RAD54L2: variants seen among roughly 807,000 people sequenced by gnomAD.
RAD54L2 encodes the protein RAD54 like 2.
In RAD54L2, 27 loss-of-function variants were observed where a neutral mutation model predicts 138.4. The ratio of observed to expected loss-of-function variants is 0.20; its 90% CI spans 0.14 to 0.27. The LOEUF is 0.27. Among genes scored for constraint, RAD54L2 ranks in the 10% least tolerant of loss-of-function variants. The pLI is 1.00. For synonymous variants in RAD54L2, 644 were observed against 723.2 expected, an observed-to-expected ratio of 0.89 and a Z score of 1.76; for missense variants, 1,396 against 1,890.2, an observed-to-expected ratio of 0.74 and a Z score of 4.85.
chr3:51,647,914 G>A (rs1364462877), intron 19 of RAD54L2, among the ~76,000 whole-genome samples: 1 of 152,134 alleles, frequency 6.6e-6, no homozygotes, highest in Non-Finnish European at 1.5e-5. Context: ...ATTTCCAACT[G>A]AGGTACCTGA....
intron 2 of RAD54L2, among the ~76,000 whole-genome samples, chr3:51,585,642 C>G (rs1699692907): frequency 6.6e-6 from 1 of 152,220 alleles, no homozygotes; most frequent in African/African-American, 2.4e-5. Context: ...TTCCTTCACT[C>G]TCACGATTGC....
In RAD54L2 at chr3:51,559,320, G is replaced by A. The variant is rs537099372; in HGVS notation, c.-55+17670G>A. ...CTTATAAGGAATCTTGAATCTTAATGAGGGTAGAACATTTGGCTTTTTGTG... is the reference window on the plus strand; with the variant it reads ...CTTATAAGGAATCTTGAATCTTAATAAGGGTAGAACATTTGGCTTTTTGTG... On this transcript the variant is annotated intron_variant, in intron 2 of 22. Coordinates refer to ENST00000684192, the MANE Select transcript of RAD54L2 (RefSeq NM_015106.4). Among the ~76,000 whole-genome samples the A allele has an allele frequency of 3.5e-4, 54 of 152,292 alleles. No individual in the cohort carries two copies. The South Asian group carries it at 7.0e-3, about 20-fold the overall frequency.
At chr3:51,632,534 AT>A (rs1448061310) in intron 7 of RAD54L2, among the ~76,000 whole-genome samples, 1 of 150,364 alleles carries the variant, frequency 6.7e-6, no homozygotes, top group East Asian at 2.1e-4. Flanking sequence ...ACCTCAGGTA[AT>A]CTGCACACCT....
Position 51,638,100 on chromosome 3 carries a change from C to A in RAD54L2, c.1683-44C>A, listed in dbSNP as rs1282804065. On this transcript the variant is annotated intron_variant, in intron 11 of 22. Coordinates refer to ENST00000684192, the MANE Select transcript of RAD54L2 (RefSeq NM_015106.4). The surrounding 1 kb of genome is among the most constrained non-coding windows in gnomAD (Gnocchi z 4.3). ...TGTTTTTATCTTGTGCTGACCCCTC[C>A]TGGCCACACTACCTTGCCGTTTCTG... 1.1e-5 allele frequency: 17 copies of A among 1,596,174 alleles called. No individual in the cohort carries two copies. The highest frequency in any genetic ancestry group is 1.5e-5 in the Non-Finnish European group (17 of 1,166,198).
chr3:51,654,296 G>T (rs777403790), intron 19 of RAD54L2, among the ~76,000 whole-genome samples: 5 of 152,178 alleles, frequency 3.3e-5, no homozygotes, highest in Admixed American at 6.5e-5. Context: ...TGATCCACCT[G>T]CCTCGGCCTC....
intron 1 of RAD54L2, 36 bp from the exon 2 acceptor site, chr3:51,541,553 G>GTT (rs1698549176): frequency 6.6e-6 from 1 of 152,208 alleles, no homozygotes; most frequent in Non-Finnish European, 1.5e-5. Context: ...GCATGAAGGC[G>GTT]TTGCTTATCC....
chr3:51,545,978 G>T (rs958871121), intron 2 of RAD54L2, among the ~76,000 whole-genome samples: 5 of 130,422 alleles, frequency 3.8e-5, no homozygotes, highest in Admixed American at 9.1e-5. Context: ...TCACTCTGTA[G>T]CCCAGGCTGG....
chr3:51,564,634 A>G (rs1448854462), intron 2 of RAD54L2, among the ~76,000 whole-genome samples: 4 of 152,244 alleles, frequency 2.6e-5, no homozygotes, highest in Admixed American at 2.6e-4. Context: ...ACACTGGCTC[A>G]GGCCAGGTGC....
chr3:51,639,037 C>A (rs544834883), intron 12 of RAD54L2: 207 of 204,536 alleles, frequency 1.0e-3, no homozygotes, highest in Non-Finnish European at 1.8e-3. Context: ...TGTGATTGGT[C>A]TACTATAAGT....
chr3:51,598,175 G>GTATATATATATA (rs1158790269), intron 3 of RAD54L2, among the ~76,000 whole-genome samples: 53 of 143,192 alleles, frequency 3.7e-4, no homozygotes, highest in African/African-American at 1.4e-3. Flanking sequence ...GTGTGTGTGT[G>GTATATATATATA]TGTATATATA....
intron 3 of RAD54L2, among the ~76,000 whole-genome samples, chr3:51,622,046 T>C (rs1700579070): frequency 1.3e-5 from 2 of 152,136 alleles, no homozygotes. Context: ...GTTAGGTCTT[T>C]GGAGGGGTAG....
intron 3 of RAD54L2, among the ~76,000 whole-genome samples, chr3:51,610,406 C>T (rs1030783260): frequency 9.2e-5 from 14 of 152,002 alleles, no homozygotes; most frequent in African/African-American, 3.4e-4. Flanking sequence ...GAGTTTGAGA[C>T]CAGCCTGGCC....
intron 3 of RAD54L2, among the ~76,000 whole-genome samples, chr3:51,609,168 C>T (rs191129342): frequency 2.4e-4 from 36 of 152,292 alleles, no homozygotes; most frequent in African/African-American, 7.5e-4. Context: ...TGAGCCACCG[C>T]GCCCAGCCTG....
intron 21 of RAD54L2, 138 bp from the exon 22 acceptor site, chr3:51,659,885 ACTT>A (rs979666816): frequency 5.5e-6 from 3 of 543,934 alleles, no homozygotes; most frequent in African/African-American, 3.7e-5. Context: ...CAGTCACCCC[ACTT>A]CTTATTTCAG....
intron 9 of RAD54L2, among the ~76,000 whole-genome samples, chr3:51,634,387 T>TG (rs1196392565): frequency 4.9e-5 from 7 of 142,068 alleles, no homozygotes; most frequent in African/African-American, 1.7e-4. Flanking sequence ...TTTTTTTTTT[T>TG]GAGACGGAGT....
chr3:51,565,469 A>G (rs1350096282), intron 2 of RAD54L2, among the ~76,000 whole-genome samples: 1 of 152,132 alleles, frequency 6.6e-6, no homozygotes, highest in East Asian at 1.9e-4. Context: ...TAGAAATATA[A>G]TAGATTTTTA....
chr3:51,653,372 G>A (rs1425308413), intron 19 of RAD54L2, among the ~76,000 whole-genome samples: 14 of 152,222 alleles, frequency 9.2e-5, no homozygotes, highest in East Asian at 3.8e-4. Context: ...AGACAGTGTG[G>A]TGATTCCTCA....
Position 51,663,244 on chromosome 3 carries a change from T to C in RAD54L2, c.4228T>C (p.Ser1410Pro), listed in dbSNP as rs572721472. 5 of 1,613,934 alleles carry C rather than the reference T, an allele frequency of 3.1e-6. No homozygotes were observed. Among genetic ancestry groups the C allele is most frequent in the South Asian group, 1.1e-5 (1 of 91,082 alleles). Residue 1410 changes from serine to proline, a missense_variant, in exon 23 of 23, where the codon TCG becomes CCG. Around this residue, in one of 7 missense-constraint regions of RAD54L2, gnomAD observed 634 missense variants for 711.2 expected, o/e 0.89. Transcript: ENST00000684192. ...TTCCCCTGTCTTGCCCAGCAACCTT[T>C]CGCGGGGCATGTCTATCTATCCAGG... The part of the protein sequence containing the change: ...FPSPVLPSNL[S>P]RGMSIYPGYM...
At chr3:51,623,938 C>T (rs777562247) in intron 3 of RAD54L2, among the ~76,000 whole-genome samples, 51 of 134,262 alleles carry the variant, frequency 3.8e-4, no homozygotes, top group Non-Finnish European at 5.0e-4. Flanking sequence ...GATTGCGCCA[C>T]ACTGCAGTCC....
Sources: gnomAD v4.1 joint callset for allele counts (sites outside exome capture counted in the v4.1 genomes callset) on GRCh38, gnomAD v4.1.1 for gene constraint, gnomAD v4.1.1 regional missense constraint, Gnocchi (gnomAD v3.1) non-coding constraint, MANE v1.5 for transcripts, NCBI Gene and HGNC (gene_info 2026-07-23, HGNC 2026-07-21) for gene names.